Variants in TFPT observed in about 807,000 individuals in gnomAD.
The protein encoded by TFPT is TCF3 fusion partner, also known as INO80 complex subunit F.
TFPT carries 27 observed loss-of-function variants against 28.8 expected under a neutral mutation model. The observed-to-expected ratio is 0.94, with a 90% CI of 0.69 to 1.29. TFPT has a LOEUF of 1.29. TFPT is among the 50% of genes most tolerant of loss of function. TFPT has a pLI of 0.00. For missense variants in TFPT, 330 were observed against 338.0 expected (o/e 0.98, Z 0.19); for synonymous variants, 152 against 142.8 (o/e 1.06, Z -0.46).
At chr19:54,113,827 G>T (rs185139446) in intron 2 of TFPT, among the ~76,000 whole-genome samples, 346 of 152,238 alleles carry the variant, frequency 2.3e-3, no homozygotes, top group African/African-American at 7.2e-3. Flanking sequence ...TAGTAGCTGC[G>T]ACTACAGGTG....
chr19:54,110,649 T>G (rs1356811047), intron 2 of TFPT, among the ~76,000 whole-genome samples: 1 of 151,220 alleles, frequency 6.6e-6, no homozygotes, highest in Non-Finnish European at 1.5e-5. Flanking sequence ...GTGAAGTGAG[T>G]TGAGATCACC....
chr19:54,107,824 A>G (rs56061812), intron 5 of TFPT, among the ~76,000 whole-genome samples: 10,077 of 151,908 alleles, frequency 0.066, 451 homozygotes, highest in African/African-American at 0.12. Flanking sequence ...GCCTGATCCT[A>G]GGCCTCCAAC....
At chr19:54,108,989 G>C in intron 3 of TFPT, 1 of 177,872 alleles carries the variant, frequency 5.6e-6, no homozygotes, top group South Asian at 1.1e-4. Flanking sequence ...CCACCTCCCT[G>C]GTACCAGCGA....
At chr19:54,110,190 TG>T in intron 2 of TFPT, 69 bp from the exon 3 acceptor site, 1 of 1,544,992 alleles carries the variant, frequency 6.5e-7, no homozygotes, top group Non-Finnish European at 8.9e-7. Context: ...GGATGTTTAA[TG>T]GGGCACGCAC....
At chr19:54,107,531 G>T in intron 5 of TFPT, 1 of 307,958 alleles carries the variant, frequency 3.2e-6, no homozygotes. Flanking sequence ...TTACAGGCAT[G>T]AGCCACTGCA....
rs762965314 is a variant in TFPT at position 54,108,102 on chromosome 19, C to A, written c.566G>T (p.Gly189Val). Residue 189 changes from glycine (G) to valine (V), a missense_variant, in exon 5 of 6, where the codon GGG (glycine) becomes GTG (valine). By Grantham distance (109) the Gly-to-Val change is moderately radical. Transcript: ENST00000391759. ...CCGTGGCACTCGCCGCCTCTTCCGC[C>A]CACTGGGCCCCTCACCGGGGGCTGG... ...GSPAPGEGPS[G>V]RKRRRVPRDG... is the part of the protein sequence containing the mutation. 8.9e-6 allele frequency: 14 copies of A among 1,571,776 alleles called. 1 individual carries two copies. In the South Asian group the frequency reaches 1.6e-4, roughly 18 times the overall value.
intron 3 of TFPT, among the ~76,000 whole-genome samples, chr19:54,109,834 TC>T: frequency 1.8e-5 from 1 of 55,236 alleles, no homozygotes; most frequent in African/African-American, 7.0e-5. Context: ...TGCTCAGCCC[TC>T]TCCACCCGGC....
At chr19:54,109,696 G>A (rs587729500) in intron 3 of TFPT, among the ~76,000 whole-genome samples, 6 of 151,704 alleles carry the variant, frequency 4.0e-5, no homozygotes, top group Admixed American at 6.6e-5. Flanking sequence ...GACACTGCTT[G>A]CTTAGAGTCA....
chr19:54,108,553 C>G (rs764012937), intron 3 of TFPT, 158 bp from the exon 4 acceptor site: 1 of 1,604,350 alleles, frequency 6.2e-7, no homozygotes, highest in Admixed American at 1.7e-5. Context: ...GGAGCCATGC[C>G]CTTGACCAGC....
At chr19:54,108,942 T>G in intron 3 of TFPT, 1 of 220,594 alleles carries the variant, frequency 4.5e-6, no homozygotes, top group South Asian at 6.2e-5. Context: ...TCACCCAGGC[T>G]GGAGTGCAGT....
chr19:54,110,081 C>T lies in TFPT; in HGVS notation c.323G>A (p.Arg108Lys). The change falls in exon 3 of 6, where the codon AGG becomes AAG. Residue 108 changes from arginine (R) to lysine (K), a missense_variant. Physicochemically the swap from Arg to Lys is conservative, Grantham distance 26. Transcript: ENST00000391759. Reference sequence around the variant, plus strand: ...TTCCTGCTGCAGCCTCCGAGTTATCCTCTGCACCTGATGGAGCCTGTTCAG... The same window carrying T: ...TTCCTGCTGCAGCCTCCGAGTTATCTTCTGCACCTGATGGAGCCTGTTCAG... ...RVLNRLHQVQ[R>K]ITRRLQQERR... 6.2e-7 allele frequency: 1 copy of T among 1,614,158 alleles called. No homozygotes were observed. The highest frequency in any genetic ancestry group is 8.5e-7 in the Non-Finnish European group (1 of 1,180,026).
At chr19:54,111,450 G>A (rs7247732) in intron 2 of TFPT, among the ~76,000 whole-genome samples, 21,758 of 150,186 alleles carry the variant, frequency 0.14, 1,657 homozygotes, top group Admixed American at 0.2. Flanking sequence ...GTTTGAGGTC[G>A]GGAGTTGCAG....
intron 5 of TFPT, 148 bp downstream of exon 5, chr19:54,107,878 G>C (rs2073317121): frequency 1.4e-6 from 1 of 709,544 alleles, no homozygotes; most frequent in East Asian, 3.0e-5. Flanking sequence ...CCAGCCCTGG[G>C]CCCCTCGGGG....
chr19:54,108,291 C>A, intron 4 of TFPT, 35 bp downstream of exon 4: 1 of 1,580,050 alleles, frequency 6.3e-7, no homozygotes. Context: ...TCCTGAGCTC[C>A]CAGTTCCTGA....
At position 54,115,376 on chromosome 19, in the gene TFPT, C is replaced by G; in HGVS notation, c.-107G>C. 1 of 1,548,358 alleles carries G rather than the reference C, an allele frequency of 6.5e-7. No homozygotes were observed. The highest frequency in any genetic ancestry group is 2.2e-5 in the East Asian group (1 of 44,566). On this transcript the variant is annotated 5_prime_UTR_variant, in exon 1 of 6. Coordinates refer to ENST00000391759, the MANE Select transcript of TFPT (RefSeq NM_013342.4). ...TCCCATCAGGCTCAGCAGCCGAGGA[C>G]GGCGGGACGTGGCCCTAGGCCTTGT... is the stretch of plus-strand genomic sequence containing the variant.
intron 3 of TFPT, 89 bp downstream of exon 3, chr19:54,109,962 G>T: frequency 1.5e-6 from 2 of 1,308,804 alleles, no homozygotes; most frequent in Non-Finnish European, 2.2e-6. Flanking sequence ...TGTGAGGGTT[G>T]GGTGGATGTG....
chr19:54,114,607 G>T lies in TFPT; in HGVS notation c.117C>A (p.Ser39Arg). 1 of 1,614,030 alleles carries T rather than the reference G, an allele frequency of 6.2e-7. No homozygotes were observed. The highest frequency in any genetic ancestry group is 1.7e-5 in the Admixed American group (1 of 60,004). Residue 39 changes from serine to arginine, a missense_variant, in exon 2 of 6, where the codon AGC becomes AGA. Ser to Arg is a moderately radical substitution (Grantham distance 110). Coordinates refer to ENST00000391759, the MANE Select transcript of TFPT (RefSeq NM_013342.4). ...CAAACTCCACTTCCGTCTCCAGCTC[G>T]CTCTCCAGGATGTGGCCACCAAATA... ...PPLFGGHILE[S>R]ELETEVEFVS...
At position 54,115,589 on chromosome 19, in the gene TFPT, A is replaced by G. The variant is rs1323722393; in HGVS notation, c.-320T>C. The G allele has an allele frequency of 2.0e-6, 1 of 507,740 alleles. No individual in the cohort carries two copies. Among genetic ancestry groups the G allele is most frequent in the East Asian group, 3.2e-5 (1 of 31,136 alleles). The allele number at this position is 507,740 out of a possible 1,614,324, so 31.5% of individuals were successfully genotyped here. On this transcript the variant is annotated 5_prime_UTR_variant, in exon 1 of 6. Coordinates refer to ENST00000391759, the MANE Select transcript of TFPT (RefSeq NM_013342.4). ...ATTCTCTGCTTAGCAGGATCGGTCC[A>G]CAGCGGGACGTGAGTCCCTTTCCTC...
At chr19:54,113,863 T>C (rs1026736581) in intron 2 of TFPT, among the ~76,000 whole-genome samples, 1 of 152,082 alleles carries the variant, frequency 6.6e-6, no homozygotes, top group South Asian at 2.1e-4. Context: ...GGCTAATTTT[T>C]TTGTATTTTA....
Sources: gnomAD v4.1 joint callset for allele counts (sites outside exome capture counted in the v4.1 genomes callset) on GRCh38, gnomAD v4.1.1 for gene constraint, MANE v1.5 for transcripts, NCBI Gene and HGNC (gene_info 2026-07-23, HGNC 2026-07-21) for gene names.